The following RALGAPA1 variants were observed in gnomAD, a reference collection of about 807,000 sequenced individuals.
The protein encoded by RALGAPA1 is Ral GTPase activating protein catalytic subunit alpha 1.
In RALGAPA1, 52 loss-of-function variants were observed where a neutral mutation model predicts 269.6. The ratio of observed to expected loss-of-function variants is 0.19; its 90% CI spans 0.15 to 0.24. The LOEUF is 0.24. Among genes scored for constraint, RALGAPA1 ranks in the 10% least tolerant of loss-of-function variants. RALGAPA1 has a pLI of 1.00. For missense variants in RALGAPA1, 1,917 were observed against 3,013.9 expected (o/e 0.64, Z 8.52); for synonymous variants, 817 against 1,008.3 (o/e 0.81, Z 3.60).
At chr14:35,768,253 C>A (rs2074311835) in intron 4 of RALGAPA1, among the ~76,000 whole-genome samples, 1 of 152,098 alleles carries the variant, frequency 6.6e-6, no homozygotes, top group Non-Finnish European at 1.5e-5. Flanking sequence ...AAAAAAATTT[C>A]TTTTGTCTTT....
At chr14:35,741,541 T>C (rs1031522217) in intron 11 of RALGAPA1, among the ~76,000 whole-genome samples, 1 of 152,154 alleles carries the variant, frequency 6.6e-6, no homozygotes, top group Non-Finnish European at 1.5e-5. Context: ...CACATTAGTA[T>C]CCTGACTAAA....
chr14:35,752,725 AG>A (rs1394898289), intron 7 of RALGAPA1, among the ~76,000 whole-genome samples: 2 of 152,142 alleles, frequency 1.3e-5, no homozygotes, highest in African/African-American at 2.4e-5. Flanking sequence ...AAGACATCCA[AG>A]CAGGTGGTTG....
At chr14:35,695,017 T>C (rs1197307680) in intron 17 of RALGAPA1, among the ~76,000 whole-genome samples, 1 of 151,554 alleles carries the variant, frequency 6.6e-6, no homozygotes, top group Non-Finnish European at 1.5e-5. Context: ...GAAGTGGAGG[T>C]TGCAGTGAGC....
intron 37 of RALGAPA1, among the ~76,000 whole-genome samples, chr14:35,588,369 T>C (rs1369995862): frequency 6.6e-6 from 1 of 152,224 alleles, no homozygotes; most frequent in Non-Finnish European, 1.5e-5. Context: ...GGCATCTTAT[T>C]TGACATTTCT....
intron 4 of RALGAPA1, among the ~76,000 whole-genome samples, chr14:35,769,065 T>TATATATATATATATATACACACAC (rs1237249622): frequency 2.6e-5 from 2 of 77,796 alleles, no homozygotes; most frequent in African/African-American, 9.2e-5. Flanking sequence ...TATATATATA[T>TATATATATATATATATACACACAC]ACACACACAT....
At chr14:35,638,146 TAGTA>T (rs2061782054) in intron 31 of RALGAPA1, among the ~76,000 whole-genome samples, 1 of 152,178 alleles carries the variant, frequency 6.6e-6, no homozygotes, top group Non-Finnish European at 1.5e-5. Context: ...TCACTGGTGA[TAGTA>T]AGTAAACAGA....
At chr14:35,576,841 C>G (rs879828464) in intron 37 of RALGAPA1, among the ~76,000 whole-genome samples, 1 of 152,196 alleles carries the variant, frequency 6.6e-6, no homozygotes, top group Non-Finnish European at 1.5e-5. Flanking sequence ...AGAACCTATA[C>G]TGTAACCACC....
chr14:35,787,180 A>G (rs1268961981), intron 1 of RALGAPA1, among the ~76,000 whole-genome samples: 1 of 152,226 alleles, frequency 6.6e-6, no homozygotes, highest in African/African-American at 2.4e-5. Context: ...AAAGCACTGT[A>G]TCTATTTATT....
chr14:35,638,984 T>C (rs1254560938), intron 31 of RALGAPA1, among the ~76,000 whole-genome samples: 5 of 150,024 alleles, frequency 3.3e-5, no homozygotes, highest in African/African-American at 1.2e-4. Context: ...GTAAATAGAC[T>C]AAACTCAATC....
intron 1 of RALGAPA1, among the ~76,000 whole-genome samples, chr14:35,802,486 T>C (rs1486337642): frequency 6.6e-6 from 1 of 152,214 alleles, no homozygotes; most frequent in African/African-American, 2.4e-5. Context: ...AAAAGATGTA[T>C]AAGACCTGCA....
At chr14:35,766,960 T>A (rs1008331098) in intron 4 of RALGAPA1, 1 of 383,774 alleles carries the variant, frequency 2.6e-6, no homozygotes, top group South Asian at 2.2e-5. Flanking sequence ...TGCCGTTTAC[T>A]GGACATGCAT....
chr14:35,808,124 T>C (rs1045881784), intron 1 of RALGAPA1, among the ~76,000 whole-genome samples: 2 of 152,180 alleles, frequency 1.3e-5, no homozygotes, highest in Non-Finnish European at 2.9e-5. Flanking sequence ...AAAAATATTT[T>C]TAATTAAAAA....
chr14:35,778,189 G>C (rs753075651), intron 1 of RALGAPA1, among the ~76,000 whole-genome samples: 1 of 151,914 alleles, frequency 6.6e-6, no homozygotes, highest in Admixed American at 6.6e-5. Flanking sequence ...GCCTCCAAAA[G>C]TACCTGGGAC....
intron 39 of RALGAPA1, among the ~76,000 whole-genome samples, chr14:35,565,813 T>A (rs896398476): frequency 2.0e-5 from 3 of 152,134 alleles, no homozygotes; most frequent in African/African-American, 7.2e-5. Flanking sequence ...ATTTGTATAT[T>A]CAGAAGTCAT....
intron 39 of RALGAPA1, among the ~76,000 whole-genome samples, chr14:35,567,498 T>C (rs935731622): frequency 6.6e-6 from 1 of 152,124 alleles, no homozygotes; most frequent in Non-Finnish European, 1.5e-5. Context: ...TTTTTACTGC[T>C]GAAGAAAGTG....
intron 22 of RALGAPA1, among the ~76,000 whole-genome samples, chr14:35,675,779 G>T (rs1004497936): frequency 2.0e-5 from 3 of 152,028 alleles, no homozygotes; most frequent in Non-Finnish European, 2.9e-5. Flanking sequence ...AGACAATAAA[G>T]ATATCTATGC....
chr14:35,751,930 G>A (rs954323510), intron 8 of RALGAPA1, 94 bp downstream of exon 8: 2 of 1,473,238 alleles, frequency 1.4e-6, no homozygotes, highest in South Asian at 1.3e-5. Flanking sequence ...TATTAAATAT[G>A]ATCAGTTTCC....
At position 35,700,202 on chromosome 14, in the gene RALGAPA1, C is replaced by G. The variant is rs912337763; in HGVS notation, c.2367G>C (p.Leu789Phe). The G allele has an allele frequency of 6.5e-7, 1 of 1,535,402 alleles. No homozygotes were observed. Among genetic ancestry groups the G allele is most frequent in the Admixed American group, 2.0e-5 (1 of 50,792 alleles). Residue 789 changes from leucine (L) to phenylalanine (F), a missense_variant, in exon 17 of 42, where the codon TTG (leucine) becomes TTC (phenylalanine). Around this residue, in one of 11 missense-constraint regions of RALGAPA1, gnomAD observed 125 missense variants for 155.7 expected, o/e 0.80. Coordinates refer to ENST00000680220, the MANE Select transcript of RALGAPA1 (RefSeq NM_001346249.2). ...PVLIHTSKPF[L>F]PDIVLTPLSD... is the part of the protein sequence containing the mutation. ...AAAGGGGAGTGAGAACAATATCAGGCAAGAAGGGTTTGGAAGTATGGATCA... is the reference window on the plus strand; with the variant it reads ...AAAGGGGAGTGAGAACAATATCAGGGAAGAAGGGTTTGGAAGTATGGATCA...
At chr14:35,769,754 C>A (rs1451826298) in intron 4 of RALGAPA1, among the ~76,000 whole-genome samples, 2 of 152,096 alleles carry the variant, frequency 1.3e-5, no homozygotes, top group Non-Finnish European at 2.9e-5. Context: ...AATTATCAAA[C>A]TGACTCAGAG....
Sources: allele counts gnomAD v4.1 joint callset (sites outside exome capture counted in the v4.1 genomes callset), GRCh38; gene constraint gnomAD v4.1.1; regional missense constraint gnomAD v4.1.1; transcripts MANE v1.5; gene names NCBI Gene and HGNC (gene_info 2026-07-23, HGNC 2026-07-21).